The following TCERG1 variants were observed in gnomAD, a reference collection of about 807,000 sequenced individuals.
TCERG1 encodes the protein transcription elongation regulator 1.
TCERG1 carries 37 observed loss-of-function variants against 144.7 expected under a neutral mutation model. That is an observed-to-expected ratio of 0.26 (90% CI 0.20 to 0.34). TCERG1 has a LOEUF of 0.34. Among genes scored for constraint, TCERG1 ranks in the 10% least tolerant of loss-of-function variants. TCERG1 has a pLI of 1.00. For synonymous variants in TCERG1, 492 were observed against 458.2 expected (o/e 1.07, Z -0.94); for missense variants, 1,027 against 1,380.7 (o/e 0.74, Z 4.06).
chr5:146,486,626 A>G (rs1003281116), intron 15 of TCERG1, among the ~76,000 whole-genome samples: 2 of 152,216 alleles, frequency 1.3e-5, no homozygotes, highest in Non-Finnish European at 2.9e-5. Context: ...CTCTTAGTCA[A>G]CATAGTGCTG....
chr5:146,498,399 C>A, intron 16 of TCERG1, 137 bp from the exon 17 acceptor site: 1 of 788,938 alleles, frequency 1.3e-6, no homozygotes, highest in Non-Finnish European at 1.8e-6. Context: ...CTGAAACTTA[C>A]TGTTCACTGT....
chr5:146,485,921 C>T (rs761344105), intron 15 of TCERG1, among the ~76,000 whole-genome samples: 5 of 152,122 alleles, frequency 3.3e-5, no homozygotes, highest in Admixed American at 6.6e-5. Context: ...TCTTGAACAC[C>T]GGACCTCAAG....
intron 4 of TCERG1, 109 bp downstream of exon 4, chr5:146,459,446 G>A: frequency 6.7e-7 from 1 of 1,499,988 alleles, no homozygotes; most frequent in Non-Finnish European, 8.9e-7. Context: ...TTTAATACCA[G>A]AATTATTTAA....
chr5:146,453,191 G>A (rs1187146721), intron 1 of TCERG1, among the ~76,000 whole-genome samples: 1 of 152,092 alleles, frequency 6.6e-6, no homozygotes, highest in Non-Finnish European at 1.5e-5. Flanking sequence ...GGTGTTGAGA[G>A]TGAGGGGTGG....
intron 21 of TCERG1, among the ~76,000 whole-genome samples, chr5:146,508,439 C>T (rs982258211): frequency 1.7e-4 from 26 of 152,210 alleles, no homozygotes; most frequent in Admixed American, 6.5e-4. Flanking sequence ...TACATCATTC[C>T]CCTTTCCTGG....
Position 146,498,562 on chromosome 5 carries a change from A to C in TCERG1, c.2309A>C (p.Lys770Thr). ...GCAACTTTTAGTGAATTTGCAGCCA[A>C]GCATGCTAAAGATTCAAGATTCAAA... is the stretch of plus-strand genomic sequence containing the variant. ...PRATFSEFAA[K>T]HAKDSRFKAI... Residue 770 changes from lysine (K) to threonine (T), a missense_variant, in exon 17 of 23, where the codon AAG (lysine) becomes ACG (threonine). Lys to Thr is a moderately conservative substitution (Grantham distance 78). Around this residue, in one of 6 missense-constraint regions of TCERG1, gnomAD observed 482 missense variants for 632.6 expected, o/e 0.76. Transcript: ENST00000679501. The C allele has an allele frequency of 6.2e-7, 1 of 1,607,306 alleles. No homozygotes were observed. Among genetic ancestry groups the C allele is most frequent in the South Asian group, 1.1e-5 (1 of 89,690 alleles).
chr5:146,499,495 C>T (rs1022083412), intron 17 of TCERG1: 2 of 152,174 alleles, frequency 1.3e-5, no homozygotes, highest in Non-Finnish European at 2.9e-5. Flanking sequence ...CCTGAAACCT[C>T]CTAATTATCC....
At chr5:146,475,665 G>GTTGGATAT (rs1764775576) in intron 9 of TCERG1, among the ~76,000 whole-genome samples, 1 of 152,114 alleles carries the variant, frequency 6.6e-6, no homozygotes, top group Non-Finnish European at 1.5e-5. Context: ...ATGACCTTGA[G>GTTGGATAT]CAGTAGGATA....
rs756756136 is a variant in TCERG1, at chr5:146,457,358, GT to G, written c.438+25del. The stretch of plus-strand genomic sequence containing the variant: ...AAGGTAAATAATAAAATATATTTAA[GT>G]TGTCATTTGTTGACAGAGGAGTAAA... On this transcript the variant is annotated intron_variant, in intron 3 of 22. Transcript: ENST00000679501. 4 of 1,577,122 alleles carry G rather than the reference GT, an allele frequency of 2.5e-6. No individual in the cohort carries two copies. In the African/African-American group the frequency reaches 5.5e-5, roughly 22 times the overall value.
At chr5:146,490,516 C>G (rs555784730) in intron 15 of TCERG1, among the ~76,000 whole-genome samples, 1 of 152,142 alleles carries the variant, frequency 6.6e-6, no homozygotes, top group African/African-American at 2.4e-5. Flanking sequence ...TTCTAGTGTT[C>G]GTTGTTTTTG....
intron 4 of TCERG1, among the ~76,000 whole-genome samples, chr5:146,461,405 G>A (rs944626283): frequency 2.6e-5 from 4 of 152,076 alleles, no homozygotes; most frequent in Non-Finnish European, 5.9e-5. Flanking sequence ...CTGAGGCTGG[G>A]TTAGTATATT....
intron 9 of TCERG1, among the ~76,000 whole-genome samples, chr5:146,473,527 A>G (rs532994568): frequency 2.6e-5 from 4 of 152,314 alleles, no homozygotes; most frequent in African/African-American, 7.2e-5. Flanking sequence ...ACAGCCTTCT[A>G]TTGGGAGAAC....
chr5:146,465,528 A>G (rs958437860), intron 5 of TCERG1, among the ~76,000 whole-genome samples: 5 of 152,174 alleles, frequency 3.3e-5, no homozygotes, highest in African/African-American at 9.7e-5. Flanking sequence ...TTGATGTCAT[A>G]TGGAGCAAGC....
intron 16 of TCERG1, among the ~76,000 whole-genome samples, chr5:146,494,368 ATATT>A: frequency 6.6e-6 from 1 of 152,262 alleles, no homozygotes; most frequent in East Asian, 1.9e-4. Flanking sequence ...TCAGCAGAAT[ATATT>A]TATTAAAACT....
At chr5:146,450,563 G>A (rs115846953) in intron 1 of TCERG1, among the ~76,000 whole-genome samples, 360 of 152,222 alleles carry the variant, frequency 2.4e-3, no homozygotes, top group African/African-American at 8.1e-3. Flanking sequence ...AACTTAGATA[G>A]CACTTACATA....
chr5:146,472,705 G>T (rs943375516), intron 9 of TCERG1, among the ~76,000 whole-genome samples: 4 of 150,944 alleles, frequency 2.6e-5, no homozygotes, highest in African/African-American at 9.7e-5. Context: ...CTCACTTTGT[G>T]TGTGTGTGTG....
intron 10 of TCERG1, 101 bp from the exon 11 acceptor site, chr5:146,479,754 T>C: frequency 9.0e-7 from 1 of 1,109,752 alleles, no homozygotes; most frequent in Admixed American, 2.0e-5. Flanking sequence ...GGGATGAATA[T>C]TAAGAGGTGA....
chr5:146,474,873 T>G (rs1297129377), intron 9 of TCERG1, among the ~76,000 whole-genome samples: 1 of 152,220 alleles, frequency 6.6e-6, no homozygotes, highest in African/African-American at 2.4e-5. Context: ...TAAATATAAC[T>G]TTTGTATATG....
rs76274319 is a variant in TCERG1, at chr5:146,503,812, T to C, written c.2599-12T>C. ...GTTGGTAAGAAGGATAATGTAGTTT[T>C]TGCTTTTACAGAATTTAGACTCAGA... On this transcript the variant is annotated splice_polypyrimidine_tract_variant and intron_variant, in intron 18 of 22. Transcript: ENST00000679501. 8.5e-5 allele frequency: 133 copies of C among 1,572,856 alleles called. No individual in the cohort carries two copies. The East Asian group carries it at 2.8e-3, about 33-fold the overall frequency.
Sources: gnomAD v4.1 joint callset for allele counts (sites outside exome capture counted in the v4.1 genomes callset) on GRCh38, gnomAD v4.1.1 for gene constraint, gnomAD v4.1.1 regional missense constraint, MANE v1.5 for transcripts, NCBI Gene and HGNC (gene_info 2026-07-23, HGNC 2026-07-21) for gene names.